The following DEPTOR variants were observed in gnomAD, a reference collection of about 807,000 sequenced individuals.
The protein encoded by DEPTOR is DEP domain-containing mTOR-interacting protein.
Under a neutral mutation model 41.6 loss-of-function variants are expected in DEPTOR, and 41 were observed. The observed-to-expected ratio is 0.98, with a 90% CI of 0.77 to 1.28. DEPTOR has a LOEUF of 1.28. DEPTOR is among the 50% of genes most tolerant of loss of function. The pLI is 0.00. For missense variants in DEPTOR, 514 were observed against 527.9 expected (o/e 0.97, Z 0.26); for synonymous variants, 195 against 192.3 (o/e 1.01, Z -0.12).
At chr8:120,037,411 G>A (rs982663779) in intron 8 of DEPTOR, among the ~76,000 whole-genome samples, 5 of 152,146 alleles carry the variant, frequency 3.3e-5, no homozygotes, top group Non-Finnish European at 7.3e-5. Context: ...CACATCTCCA[G>A]TTATTACAAA....
chr8:119,921,784 A>T (rs1285117375), intron 1 of DEPTOR, among the ~76,000 whole-genome samples: 1 of 144,796 alleles, frequency 6.9e-6, no homozygotes, highest in Non-Finnish European at 1.5e-5. Context: ...TTTTTGAAAC[A>T]GGGTCTTGCT....
chr8:119,972,881 A>G (rs1041631444), intron 4 of DEPTOR, among the ~76,000 whole-genome samples: 5 of 152,206 alleles, frequency 3.3e-5, no homozygotes, highest in African/African-American at 1.2e-4. Flanking sequence ...TCTTCCTCCA[A>G]ACAATGACCA....
intron 8 of DEPTOR, among the ~76,000 whole-genome samples, chr8:120,044,981 C>T (rs1466137384): frequency 6.6e-6 from 1 of 152,116 alleles, no homozygotes; most frequent in African/African-American, 2.4e-5. Flanking sequence ...TTGCACCTAC[C>T]TAATAAATCT....
intron 3 of DEPTOR, among the ~76,000 whole-genome samples, chr8:119,944,667 T>TC (rs1200166809): frequency 1.3e-5 from 2 of 151,298 alleles, no homozygotes. Context: ...CTTTTTTTTT[T>TC]TTTTTTGAGA....
At chr8:119,968,028 G>A (rs1302538565) in intron 4 of DEPTOR, among the ~76,000 whole-genome samples, 1 of 152,076 alleles carries the variant, frequency 6.6e-6, no homozygotes, top group Non-Finnish European at 1.5e-5. Context: ...GTCTAGCTCT[G>A]GTTTAAGTTC....
chr8:119,966,028 C>G (rs56243727), intron 4 of DEPTOR, among the ~76,000 whole-genome samples: 4 of 152,090 alleles, frequency 2.6e-5, no homozygotes, highest in Non-Finnish European at 5.9e-5. Context: ...GGAAAAAAGT[C>G]GTGTCTGAAC....
chr8:119,952,319 A>G (rs1828363528), intron 3 of DEPTOR, among the ~76,000 whole-genome samples: 1 of 152,164 alleles, frequency 6.6e-6, no homozygotes, highest in Non-Finnish European at 1.5e-5. Flanking sequence ...AATGACAGCC[A>G]GGCACCTTCT....
At chr8:120,046,041 AG>A (rs1457032077) in intron 8 of DEPTOR, among the ~76,000 whole-genome samples, 1 of 152,138 alleles carries the variant, frequency 6.6e-6, no homozygotes, top group Non-Finnish European at 1.5e-5. Flanking sequence ...AGAGGTGCAC[AG>A]GACCCCATCT....
chr8:119,919,739 A>G (rs1465294451), intron 1 of DEPTOR, among the ~76,000 whole-genome samples: 2 of 152,106 alleles, frequency 1.3e-5, no homozygotes, highest in East Asian at 1.9e-4. Context: ...TGTCAGCCCC[A>G]CTATTTGGCT....
chr8:120,001,217 G>A (rs1812344892), intron 4 of DEPTOR, among the ~76,000 whole-genome samples: 1 of 152,116 alleles, frequency 6.6e-6, no homozygotes, highest in South Asian at 2.1e-4. Context: ...GACAGTGAGG[G>A]TGCAGTGTTA....
intron 1 of DEPTOR, among the ~76,000 whole-genome samples, chr8:119,922,686 G>C (rs2129827699): frequency 6.6e-6 from 1 of 152,310 alleles, no homozygotes; most frequent in South Asian, 2.1e-4. Context: ...AGTTCAAACT[G>C]TCCCTAGCAC....
chr8:120,045,196 G>T (rs185334915), intron 8 of DEPTOR, among the ~76,000 whole-genome samples: 58 of 152,286 alleles, frequency 3.8e-4, no homozygotes, highest in African/African-American at 1.3e-3. Context: ...TGGACAGCAT[G>T]TGGGAACGCA....
At chr8:119,931,824 G>C (rs1359419883) in intron 3 of DEPTOR, among the ~76,000 whole-genome samples, 2 of 151,962 alleles carry the variant, frequency 1.3e-5, no homozygotes, top group African/African-American at 2.4e-5. Flanking sequence ...AATTCTAGCA[G>C]GTGTTAGGTA....
intron 4 of DEPTOR, among the ~76,000 whole-genome samples, chr8:119,979,491 G>A (rs1437494825): frequency 6.6e-6 from 1 of 152,016 alleles, no homozygotes; most frequent in Non-Finnish European, 1.5e-5. Flanking sequence ...TCCAACTCCT[G>A]ACCTCACGTG....
rs1219872594 is a variant in DEPTOR, at chr8:119,965,224, C to A, written c.426-8C>A. ...GTTTACTTTTCTTTTCCCTTTTTTT[C>A]TTCCCAGGCTGATGAGCCCTGAAAA... On this transcript the variant is annotated splice_region_variant and splice_polypyrimidine_tract_variant and intron_variant, in intron 3 of 8. Transcript: ENST00000286234. 1.9e-6 allele frequency: 3 copies of A among 1,590,338 alleles called. No homozygotes were observed. The highest frequency in any genetic ancestry group is 1.9e-5 in the Admixed American group (1 of 52,572).
rs539847501 is a variant in DEPTOR, at chr8:119,960,854, C to T, written c.426-4378C>T. Among the ~76,000 whole-genome samples, 506 of 151,988 alleles carry T rather than the reference C, an allele frequency of 3.3e-3. 3 individuals are homozygous for T. Among genetic ancestry groups the T allele is most frequent in the African/African-American group, 0.012 (483 of 41,464 alleles). On this transcript the variant is annotated intron_variant, in intron 3 of 8. Coordinates refer to ENST00000286234, the MANE Select transcript of DEPTOR (RefSeq NM_022783.4). ...CAAAAATTAGCTGGGCTTGGTGGCA[C>T]GTGCCTGTAATCCCAGCTACTTGGG...
In DEPTOR at chr8:119,980,662, C is replaced by T. The variant is rs376890497; in HGVS notation, c.604+15252C>T. ...CCTCCCAAGCAGCTGGGATTACAGG[C>T]ATGTGCCACCACAGCCTGCTAATTT... On this transcript the variant is annotated intron_variant, in intron 4 of 8. Transcript: ENST00000286234. 1.1e-4 allele frequency among the ~76,000 whole-genome samples: 17 copies of T among 151,966 alleles called. No homozygotes were observed. In the East Asian group the frequency reaches 2.1e-3, roughly 19 times the overall value.
chr8:119,962,559 C>T (rs1315268558), intron 3 of DEPTOR, among the ~76,000 whole-genome samples: 2 of 152,072 alleles, frequency 1.3e-5, no homozygotes, highest in Non-Finnish European at 1.5e-5. Context: ...GGCAGGATCA[C>T]GCATACTTTA....
intron 1 of DEPTOR, among the ~76,000 whole-genome samples, chr8:119,924,613 A>G (rs1003500550): frequency 6.6e-6 from 1 of 152,254 alleles, no homozygotes; most frequent in South Asian, 2.1e-4. Context: ...GGTCATTTCA[A>G]TGGGTGGAGA....
Sources: gnomAD v4.1 joint callset for allele counts (sites outside exome capture counted in the v4.1 genomes callset) on GRCh38, gnomAD v4.1.1 for gene constraint, MANE v1.5 for transcripts, NCBI Gene and HGNC (gene_info 2026-07-23, HGNC 2026-07-21) for gene names.